SUGCT: variants seen among roughly 807,000 people sequenced by gnomAD.
The protein encoded by SUGCT is succinyl-CoA:glutarate-CoA transferase.
In SUGCT, 41 loss-of-function variants were observed where a neutral mutation model predicts 55.0. The ratio of observed to expected loss-of-function variants is 0.74; its 90% CI spans 0.58 to 0.97. The LOEUF (loss-of-function observed/expected upper bound fraction) is 0.97. Among genes scored for constraint, SUGCT ranks in the 50% least tolerant of loss-of-function variants. SUGCT has a pLI of 0.00. For missense variants in SUGCT, 568 were observed against 547.8 expected, an observed-to-expected ratio of 1.04 and a Z score of -0.37; for synonymous variants, 187 against 200.4, an observed-to-expected ratio of 0.93 and a Z score of 0.56.
the SUGCT span, among the ~76,000 whole-genome samples, chr7:41,003,463 C>A: frequency 6.6e-6 from 1 of 152,102 alleles, no homozygotes; most frequent in Non-Finnish European, 1.5e-5. Flanking sequence ...GATAGGCAGG[C>A]GACAAGGGCC....
chr7:40,364,882 A>G (rs1395037552), intron 9 of SUGCT, among the ~76,000 whole-genome samples: 1 of 152,184 alleles, frequency 6.6e-6, no homozygotes, highest in Non-Finnish European at 1.5e-5. Flanking sequence ...AATCAATAGA[A>G]AAAGAGGGAA....
At chr7:40,413,886 A>C (rs542103223) in intron 9 of SUGCT, among the ~76,000 whole-genome samples, 4 of 152,320 alleles carry the variant, frequency 2.6e-5, no homozygotes, top group African/African-American at 9.6e-5. Flanking sequence ...ACATTGATAA[A>C]TGGGAAGAAA....
intron 11 of SUGCT, among the ~76,000 whole-genome samples, chr7:40,466,710 G>A (rs548834265): frequency 1.3e-5 from 2 of 152,276 alleles, no homozygotes; most frequent in Admixed American, 6.5e-5. Context: ...AAGGATCCAC[G>A]ATGTCAGGTT....
intron 8 of SUGCT, among the ~76,000 whole-genome samples, chr7:40,290,912 T>G (rs2151048402): frequency 6.6e-6 from 1 of 152,314 alleles, no homozygotes; most frequent in Admixed American, 6.5e-5. Context: ...AAAATGCTTG[T>G]CATTACTGGC....
chr7:40,190,269 A>G (rs889623910), intron 5 of SUGCT, among the ~76,000 whole-genome samples: 1 of 152,076 alleles, frequency 6.6e-6, no homozygotes, highest in African/African-American at 2.4e-5. Context: ...TTCTTTTTTT[A>G]GAAACAGTCT....
chr7:40,350,140 T>G (rs1444160236), intron 9 of SUGCT, among the ~76,000 whole-genome samples: 2 of 151,962 alleles, frequency 1.3e-5, no homozygotes, highest in Non-Finnish European at 2.9e-5. Flanking sequence ...ATTGTTCTTT[T>G]TAAAATAATT....
chr7:40,283,417 C>T (rs1369526061), intron 8 of SUGCT, among the ~76,000 whole-genome samples: 9 of 151,832 alleles, frequency 5.9e-5, no homozygotes, highest in South Asian at 2.1e-4. Flanking sequence ...TTGGTAGCGA[C>T]GGGGTTCCAC....
chr7:40,477,595 A>G (rs1790774152), intron 11 of SUGCT, among the ~76,000 whole-genome samples: 2 of 152,188 alleles, frequency 1.3e-5, no homozygotes, highest in African/African-American at 4.8e-5. Context: ...TATTATGTAC[A>G]GTAAGAAAAT....
At chr7:40,144,982 T>C (rs1302945590) in intron 1 of SUGCT, among the ~76,000 whole-genome samples, 2 of 152,170 alleles carry the variant, frequency 1.3e-5, no homozygotes, top group East Asian at 1.9e-4. Context: ...TATAGACTCT[T>C]TTTAACCTTG....
chr7:40,601,076 A>G (rs1798269231), intron 12 of SUGCT, among the ~76,000 whole-genome samples: 1 of 152,218 alleles, frequency 6.6e-6, no homozygotes, highest in African/African-American at 2.4e-5. Flanking sequence ...ATTTATATGA[A>G]GTTCAAAACT....
the SUGCT span, among the ~76,000 whole-genome samples, chr7:40,925,292 A>G: frequency 1.6e-4 from 24 of 152,214 alleles, no homozygotes; most frequent in Non-Finnish European, 3.1e-4. Context: ...ATGAACCCAC[A>G]TGATATTCCC....
chr7:40,675,761 A>C (rs1455513610), intron 12 of SUGCT, among the ~76,000 whole-genome samples: 1 of 152,212 alleles, frequency 6.6e-6, no homozygotes, highest in Non-Finnish European at 1.5e-5. Context: ...ATGAGCAGTA[A>C]GAGTTCGGAG....
the SUGCT span, among the ~76,000 whole-genome samples, chr7:41,000,207 TACAC>T: frequency 7.2e-5 from 11 of 151,866 alleles, no homozygotes; most frequent in African/African-American, 2.2e-4. Flanking sequence ...CTTACACACA[TACAC>T]ACACACGCAT....
intron 6 of SUGCT, among the ~76,000 whole-genome samples, chr7:40,199,913 A>G (rs1786497246): frequency 6.6e-6 from 1 of 152,136 alleles, no homozygotes; most frequent in Non-Finnish European, 1.5e-5. Flanking sequence ...ATCATACAAA[A>G]TATATGTGTT....
chr7:40,164,271 G>A (rs1784319441), intron 1 of SUGCT, among the ~76,000 whole-genome samples: 1 of 152,086 alleles, frequency 6.6e-6, no homozygotes, highest in South Asian at 2.1e-4. Context: ...GGGACTACAG[G>A]CACCTTCCAC....
chr7:40,983,690 CCA>C, the SUGCT span, among the ~76,000 whole-genome samples: 1 of 152,104 alleles, frequency 6.6e-6, no homozygotes, highest in Admixed American at 6.5e-5. Flanking sequence ...TGCGGTTTAT[CCA>C]CAGTTTCCCA....
intron 13 of SUGCT, among the ~76,000 whole-genome samples, chr7:40,773,772 C>T (rs1789308791): frequency 6.6e-6 from 1 of 152,010 alleles, no homozygotes; most frequent in Non-Finnish European, 1.5e-5. Flanking sequence ...AGGTGTGCAC[C>T]CCCATGGAGA....
the SUGCT span, chr7:40,979,837 G>T: frequency 6.6e-6 from 1 of 152,038 alleles, no homozygotes; most frequent in African/African-American, 2.4e-5. Flanking sequence ...AAGTCTTTGC[G>T]GGGAAAAGGG....
the SUGCT span, among the ~76,000 whole-genome samples, chr7:40,935,591 A>AT: frequency 1.3e-5 from 2 of 152,190 alleles, no homozygotes; most frequent in East Asian, 3.8e-4. Context: ...TACTTTATTT[A>AT]TTTTATGGCC....
Sources: gnomAD v4.1 joint callset for allele counts (sites outside exome capture counted in the v4.1 genomes callset) on GRCh38, gnomAD v4.1.1 for gene constraint, MANE v1.5 for transcripts, NCBI Gene and HGNC (gene_info 2026-07-23, HGNC 2026-07-21) for gene names.